The following LRRTM3 variants were observed in gnomAD, a reference collection of about 807,000 sequenced individuals.
LRRTM3 encodes leucine rich repeat transmembrane neuronal 3, also known as leucine-rich repeat transmembrane neuronal protein 3.
LRRTM3 carries 24 observed loss-of-function variants against 44.7 expected under a neutral mutation model. The observed-to-expected ratio is 0.54, with a 90% CI of 0.39 to 0.76. LRRTM3 has a LOEUF of 0.76. Among genes scored for constraint, LRRTM3 ranks in the 30% least tolerant of loss-of-function variants. LRRTM3 has a pLI of 0.00. For synonymous variants in LRRTM3, 277 were observed against 278.7 expected (o/e 0.99, Z 0.06); for missense variants, 587 against 702.2 (o/e 0.84, Z 1.85).
rs202174114 is a variant in LRRTM3, at chr10:67,099,442, G to A, written c.*1646G>A. 4.0e-5 allele frequency: 6 copies of A among 151,702 alleles called. No individual in the cohort carries two copies. The East Asian group carries it at 7.8e-4, about 20-fold the overall frequency. The allele number at this position is 151,702 out of a possible 1,614,324, so 9.4% of individuals were successfully genotyped here. ...AGATTGACAATACATCAATCTAACA[G>A]GGGCCAATCAAAACAATGAAGAAAA... On this transcript the variant is annotated 3_prime_UTR_variant, in exon 3 of 3. Transcript: ENST00000361320.
At chr10:66,958,919 A>G (rs1193442755) in intron 2 of LRRTM3, among the ~76,000 whole-genome samples, 2 of 152,148 alleles carry the variant, frequency 1.3e-5, no homozygotes, top group Non-Finnish European at 2.9e-5. Flanking sequence ...TATAGGTCAG[A>G]TATCATTTAA....
Position 66,927,575 on chromosome 10 carries a change from T to C in LRRTM3, c.659T>C (p.Leu220Pro). 1 of 1,614,164 alleles carries C rather than the reference T, an allele frequency of 6.2e-7. No homozygotes were observed. The highest frequency in any genetic ancestry group is 8.5e-7 in the Non-Finnish European group (1 of 1,180,042). Residue 220 changes from leucine (L) to proline (P), a missense_variant, in exon 2 of 3, where the codon CTC becomes CCC. Around this residue, in one of 3 missense-constraint regions of LRRTM3, gnomAD observed 222 missense variants for 323.3 expected, o/e 0.69. Coordinates refer to ENST00000361320, the MANE Select transcript of LRRTM3 (RefSeq NM_178011.5). This position sits in a 1 kb window ranked among gnomAD's most constrained non-coding sequence, Gnocchi z 4.7. ...LHLEHNQFSK[L>P]NLALFPRLVS... ...CTGGAGCACAATCAATTTTCCAAGC[T>C]CAACCTGGCCCTTTTTCCAAGGTTG...
intron 2 of LRRTM3, among the ~76,000 whole-genome samples, chr10:66,944,078 C>T (rs1848158622): frequency 6.6e-6 from 1 of 152,146 alleles, no homozygotes; most frequent in African/African-American, 2.4e-5. Flanking sequence ...CATTGGTTGA[C>T]TCTTTCATGA....
chr10:67,015,750 G>C (rs1265440288), intron 2 of LRRTM3, among the ~76,000 whole-genome samples: 1 of 151,352 alleles, frequency 6.6e-6, no homozygotes. Context: ...ATTTTTTTCT[G>C]TTCCCTATTC....
At chr10:66,940,099 T>C (rs771163600) in intron 2 of LRRTM3, among the ~76,000 whole-genome samples, 1 of 152,214 alleles carries the variant, frequency 6.6e-6, no homozygotes, top group Non-Finnish European at 1.5e-5. Flanking sequence ...TACTGGAATC[T>C]GCTTGGTCCA....
chr10:67,016,966 C>T (rs1403921950), intron 2 of LRRTM3, among the ~76,000 whole-genome samples: 1 of 152,136 alleles, frequency 6.6e-6, no homozygotes. Flanking sequence ...AATTAGTTCA[C>T]ATAAATTGTA....
intron 1 of LRRTM3, 97 bp from the exon 2 acceptor site, chr10:66,926,824 A>T (rs1649437281): frequency 1.8e-6 from 2 of 1,130,050 alleles, no homozygotes; most frequent in Non-Finnish European, 2.4e-6. Context: ...ATTTAGATTT[A>T]AATTTTTAAA....
chr10:66,965,221 G>T (rs1264410980), intron 2 of LRRTM3, among the ~76,000 whole-genome samples: 2 of 151,478 alleles, frequency 1.3e-5, no homozygotes, highest in Non-Finnish European at 1.5e-5. Context: ...AAAAAGCTGG[G>T]TTTTTTTGGG....
At chr10:67,025,106 G>A (rs1853273784) in intron 2 of LRRTM3, among the ~76,000 whole-genome samples, 1 of 128,282 alleles carries the variant, frequency 7.8e-6, no homozygotes, top group Non-Finnish European at 1.6e-5. Flanking sequence ...ACTCCAGCCT[G>A]AGCAACAAGA....
intron 2 of LRRTM3, among the ~76,000 whole-genome samples, chr10:67,012,634 C>A (rs2133043618): frequency 6.6e-6 from 1 of 152,048 alleles, no homozygotes; most frequent in East Asian, 1.9e-4. Context: ...CAATTTATAC[C>A]CAACATACCT....
chr10:66,951,731 G>GT (rs1380221477), intron 2 of LRRTM3, among the ~76,000 whole-genome samples: 12 of 152,088 alleles, frequency 7.9e-5, no homozygotes. Flanking sequence ...TTGACCTGCT[G>GT]TTTGTTCAGA....
At chr10:66,940,963 T>C (rs1310402492) in intron 2 of LRRTM3, among the ~76,000 whole-genome samples, 2 of 152,158 alleles carry the variant, frequency 1.3e-5, no homozygotes, top group African/African-American at 4.8e-5. Context: ...AAAATGCAAC[T>C]GAGTTTGCTG....
intron 2 of LRRTM3, among the ~76,000 whole-genome samples, chr10:66,973,750 A>G (rs934406771): frequency 1.4e-4 from 21 of 151,912 alleles, no homozygotes; most frequent in African/African-American, 4.6e-4. Flanking sequence ...CAGCCTTCCC[A>G]GTAGCTGGGA....
intron 2 of LRRTM3, among the ~76,000 whole-genome samples, chr10:66,975,311 C>T (rs1264398840): frequency 1.3e-5 from 2 of 152,126 alleles, no homozygotes; most frequent in South Asian, 2.1e-4. Context: ...GTAGTATGCA[C>T]AACATGCATG....
chr10:66,933,825 GTAGCTGCTCTTACCAA>G (rs1158713253), intron 2 of LRRTM3, among the ~76,000 whole-genome samples: 1 of 152,162 alleles, frequency 6.6e-6, no homozygotes, highest in Admixed American at 6.6e-5. Context: ...TCCGCTGGAT[GTAGCTGCTCTTACCAA>G]TATGAAGTAG....
chr10:66,954,069 C>T (rs1006548559), intron 2 of LRRTM3, among the ~76,000 whole-genome samples: 20 of 152,220 alleles, frequency 1.3e-4, no homozygotes, highest in African/African-American at 4.1e-4. Context: ...CATCATAATT[C>T]CTAACTTAAA....
At chr10:66,965,256 G>T (rs1849336321) in intron 2 of LRRTM3, among the ~76,000 whole-genome samples, 1 of 151,954 alleles carries the variant, frequency 6.6e-6, no homozygotes, top group Non-Finnish European at 1.5e-5. Context: ...TTGTTTTTTG[G>T]CTCGGCATGG....
chr10:67,089,057 G>A (rs1453520410), intron 2 of LRRTM3, among the ~76,000 whole-genome samples: 1 of 151,970 alleles, frequency 6.6e-6, no homozygotes, highest in African/African-American at 2.4e-5. Context: ...GAGGATGTGT[G>A]TGGATTAAAT....
At chr10:67,005,509 A>G (rs1851915350) in intron 2 of LRRTM3, among the ~76,000 whole-genome samples, 1 of 151,988 alleles carries the variant, frequency 6.6e-6, no homozygotes, top group South Asian at 2.1e-4. Flanking sequence ...GGAGCTTTGT[A>G]GACTAGTGAC....
Sources: gnomAD v4.1 joint callset for allele counts (sites outside exome capture counted in the v4.1 genomes callset) on GRCh38, gnomAD v4.1.1 for gene constraint, gnomAD v4.1.1 regional missense constraint, Gnocchi (gnomAD v3.1) non-coding constraint, MANE v1.5 for transcripts, NCBI Gene and HGNC (gene_info 2026-07-23, HGNC 2026-07-21) for gene names.